The following TMTC2 variants were observed in gnomAD, a reference collection of about 807,000 sequenced individuals.
TMTC2 encodes the protein protein O-mannosyl-transferase TMTC2.
TMTC2 carries 43 observed loss-of-function variants against 82.4 expected under a neutral mutation model. The ratio of observed to expected loss-of-function variants is 0.52; its 90% CI spans 0.41 to 0.67. TMTC2 has a LOEUF of 0.67. Among genes scored for constraint, TMTC2 ranks in the 30% least tolerant of loss-of-function variants. The pLI is 0.00. For missense variants in TMTC2, 919 were observed against 1,012.4 expected (o/e 0.91, Z 1.25); for synonymous variants, 408 against 381.9 (o/e 1.07, Z -0.80).
intron 9 of TMTC2, among the ~76,000 whole-genome samples, chr12:83,036,894 A>G (rs1881685423): frequency 1.3e-5 from 2 of 152,124 alleles, no homozygotes; most frequent in Non-Finnish European, 2.9e-5. Context: ...GAAGAGAGAG[A>G]ACCCAAGGGG....
In TMTC2 at chr12:82,794,579, G is replaced by C. The variant is rs115651754; in HGVS notation, c.84-62431G>C. Among the ~76,000 whole-genome samples the C allele has an allele frequency of 5.2e-3, 788 of 152,120 alleles. 4 individuals carry two copies. Among genetic ancestry groups the C allele is most frequent in the African/African-American group, 0.018 (754 of 41,512 alleles). On this transcript the variant is annotated intron_variant, in intron 1 of 11. Coordinates refer to ENST00000321196, the MANE Select transcript of TMTC2 (RefSeq NM_152588.3). ...TTGTGTTAGGTCAAATGAGGTATTT[G>C]CATTACCACCTCTTATAAAGGCTTC...
chr12:83,016,456 G>A (rs990457329), intron 8 of TMTC2, among the ~76,000 whole-genome samples: 1 of 152,078 alleles, frequency 6.6e-6, no homozygotes, highest in South Asian at 2.1e-4. Context: ...TGTACTTACT[G>A]TGCACTTGTG....
At chr12:83,025,011 G>A (rs1881097914) in intron 8 of TMTC2, among the ~76,000 whole-genome samples, 1 of 152,116 alleles carries the variant, frequency 6.6e-6, no homozygotes. Context: ...GGCCAACATG[G>A]TGAAACCCCG....
chr12:82,793,435 A>G (rs571571824), intron 1 of TMTC2, among the ~76,000 whole-genome samples: 2 of 151,822 alleles, frequency 1.3e-5, no homozygotes, highest in East Asian at 3.9e-4. Flanking sequence ...TACTTTGAAA[A>G]TAGTAAGTTC....
intron 1 of TMTC2, chr12:82,690,401 G>A (rs1451744082): frequency 1.0e-6 from 1 of 985,210 alleles, no homozygotes; most frequent in Non-Finnish European, 1.2e-6. Flanking sequence ...TTCCTGACTT[G>A]CTTAACTAAA....
intron 10 of TMTC2, among the ~76,000 whole-genome samples, chr12:83,052,608 C>A (rs1421995634): frequency 1.3e-5 from 2 of 152,140 alleles, no homozygotes; most frequent in Non-Finnish European, 2.9e-5. Flanking sequence ...CAAATACAGA[C>A]AGGCAAATTC....
chr12:83,108,759 T>A (rs912056973), intron 11 of TMTC2, among the ~76,000 whole-genome samples: 8 of 152,236 alleles, frequency 5.3e-5, no homozygotes, highest in Non-Finnish European at 1.2e-4. Context: ...GTTTGCTTTC[T>A]TGGTGAAGGT....
At chr12:82,907,894 A>G (rs1005908722) in intron 3 of TMTC2, among the ~76,000 whole-genome samples, 3 of 152,086 alleles carry the variant, frequency 2.0e-5, no homozygotes, top group Non-Finnish European at 2.9e-5. Flanking sequence ...TGGGCAGATC[A>G]TGAGGTCAGG....
rs113069531 is a variant in TMTC2, at chr12:82,825,854, GCA to G, written c.84-31132_84-31131del. The stretch of plus-strand genomic sequence containing the variant: ...GTGTGTTCACTCTGTGATAGGGAAA[GCA>G]CACACACACACACACACACACACTC... On this transcript the variant is annotated intron_variant, in intron 1 of 11. Transcript: ENST00000321196. 3.5e-3 allele frequency among the ~76,000 whole-genome samples: 519 copies of G among 146,970 alleles called. 3 individuals are homozygous for G. The highest frequency in any genetic ancestry group is 9.6e-3 in the African/African-American group (391 of 40,632).
At chr12:83,033,120 G>T (rs1242032330) in intron 9 of TMTC2, among the ~76,000 whole-genome samples, 3 of 152,104 alleles carry the variant, frequency 2.0e-5, no homozygotes, top group African/African-American at 4.8e-5. Context: ...GTAATAGAAA[G>T]AACTCAAAAT....
intron 2 of TMTC2, among the ~76,000 whole-genome samples, chr12:82,883,260 T>A (rs1872928275): frequency 6.6e-6 from 1 of 152,120 alleles, no homozygotes; most frequent in Non-Finnish European, 1.5e-5. Flanking sequence ...ATTTACTATT[T>A]AAATTCTGTA....
intron 3 of TMTC2, among the ~76,000 whole-genome samples, chr12:82,917,013 G>T (rs529912549): frequency 6.1e-4 from 92 of 152,034 alleles, no homozygotes; most frequent in Admixed American, 1.0e-3. Flanking sequence ...ATAATCCGAG[G>T]TATAATTTCT....
chr12:82,968,972 T>C (rs1472699591), intron 7 of TMTC2, among the ~76,000 whole-genome samples: 1 of 152,164 alleles, frequency 6.6e-6, no homozygotes, highest in Non-Finnish European at 1.5e-5. Context: ...TAATTTTATG[T>C]GAAGGTCTGC....
intron 1 of TMTC2, among the ~76,000 whole-genome samples, chr12:82,817,267 C>T (rs1868797415): frequency 6.6e-6 from 1 of 152,058 alleles, no homozygotes; most frequent in Admixed American, 6.5e-5. Flanking sequence ...CAGCGCCCGG[C>T]TAGAATTTTT....
chr12:82,798,495 CAA>C (rs34277536), intron 1 of TMTC2, among the ~76,000 whole-genome samples: 4 of 124,512 alleles, frequency 3.2e-5, no homozygotes, highest in Non-Finnish European at 3.3e-5. Context: ...AGACTCGTCT[CAA>C]AAAAAAAAAA....
chr12:83,124,353 C>A (rs1185255876), intron 11 of TMTC2, among the ~76,000 whole-genome samples: 1 of 152,098 alleles, frequency 6.6e-6, no homozygotes, highest in African/African-American at 2.4e-5. Flanking sequence ...AGCAAACATT[C>A]ATTGAGAGTT....
chr12:83,062,868 G>A (rs1882792446), intron 11 of TMTC2, among the ~76,000 whole-genome samples: 1 of 151,682 alleles, frequency 6.6e-6, no homozygotes, highest in Admixed American at 6.6e-5. Context: ...TTTCTTTTCA[G>A]GAGATTCATC....
At chr12:82,950,152 T>C (rs1272117434) in intron 4 of TMTC2, among the ~76,000 whole-genome samples, 1 of 152,180 alleles carries the variant, frequency 6.6e-6, no homozygotes, top group Non-Finnish European at 1.5e-5. Context: ...TTGAATCTCA[T>C]CTTGAGTCTT....
Position 82,965,642 on chromosome 12 carries a change from G to A in TMTC2, c.1767G>A (p.Glu589=), listed in dbSNP as rs1393094364. 3 of 1,613,796 alleles carry A rather than the reference G, an allele frequency of 1.9e-6. No individual in the cohort carries two copies. The highest frequency in any genetic ancestry group is 1.3e-5 in the African/African-American group (1 of 75,010). Residue 589 remains glutamate, a synonymous_variant, in exon 6 of 12, where the codon GAG becomes GAA. Coordinates refer to ENST00000321196, the MANE Select transcript of TMTC2 (RefSeq NM_152588.3). Reference sequence around the variant, plus strand: ...GACGGACATTCTTAAAGTGTTCGGAGATCCCAGATGAAAACCTAAAGGACC... The same window carrying A: ...GACGGACATTCTTAAAGTGTTCGGAAATCCCAGATGAAAACCTAAAGGACC... ...EARRTFLKCS[E]IPDENLKDPH...
Sources: allele counts gnomAD v4.1 joint callset (sites outside exome capture counted in the v4.1 genomes callset), GRCh38; gene constraint gnomAD v4.1.1; transcripts MANE v1.5; gene names NCBI Gene and HGNC (gene_info 2026-07-23, HGNC 2026-07-21).